Variants in ARID2 observed in about 807,000 individuals in gnomAD.
ARID2 encodes the protein AT-rich interaction domain 2.
Under a neutral mutation model 184.6 loss-of-function variants are expected in ARID2, and 32 were observed. The ratio of observed to expected loss-of-function variants is 0.17; its 90% CI spans 0.13 to 0.23. The LOEUF (loss-of-function observed/expected upper bound fraction) is 0.23. Among genes scored for constraint, ARID2 ranks in the 10% least tolerant of loss-of-function variants. The pLI, the probability that ARID2 is intolerant of heterozygous loss-of-function variation, is 1.00. For synonymous variants in ARID2, 836 were observed against 772.6 expected, an observed-to-expected ratio of 1.08 and a Z score of -1.36; for missense variants, 1,696 against 2,197.6, an observed-to-expected ratio of 0.77 and a Z score of 4.56.
chr12:45,811,449 T>C lies in ARID2; in HGVS notation c.316T>C (p.Phe106Leu), dbSNP rs2138082468. The C allele has an allele frequency of 1.2e-6, 2 of 1,613,220 alleles. No homozygotes were observed. The highest frequency in any genetic ancestry group is 8.5e-7 in the Non-Finnish European group (1 of 1,179,438). Reference protein sequence around the residue: ...YLEKYEKVHHFGEDDDEVPPG... With the variant: ...YLEKYEKVHHLGEDDDEVPPG... The stretch of plus-strand genomic sequence containing the variant: ...AGAAAAGTACGAGAAAGTTCATCAT[T>C]TTGGGGAGGATGATGATGAGGTACC... The change falls in exon 4 of 21, where the codon TTT (phenylalanine) becomes CTT (leucine). Residue 106 changes from phenylalanine to leucine, a missense_variant. By Grantham distance (22) the Phe-to-Leu change is conservative. Coordinates refer to ENST00000334344, the MANE Select transcript of ARID2 (RefSeq NM_152641.4).
At chr12:45,869,357 G>A (rs1299007299) in intron 16 of ARID2, among the ~76,000 whole-genome samples, 3 of 151,872 alleles carry the variant, frequency 2.0e-5, no homozygotes, top group African/African-American at 7.3e-5. Flanking sequence ...TTTTTTGATA[G>A]TGAGCACTTT....
At chr12:45,787,126 T>C (rs943343575) in intron 3 of ARID2, among the ~76,000 whole-genome samples, 2 of 152,182 alleles carry the variant, frequency 1.3e-5, no homozygotes, top group Admixed American at 1.3e-4. Flanking sequence ...AGAGTTTAAG[T>C]GCTTTCACCA....
chr12:45,837,318 C>T lies in ARID2; in HGVS notation c.1024-3C>T, dbSNP rs1592108891. The T allele has an allele frequency of 6.3e-7, 1 of 1,592,308 alleles. No homozygotes were observed. ...TCAATAATAGTGTTGTTTCTTTTTC[C>T]AGCTTTTACTGGACCCTGTTGATTT... is the stretch of plus-strand genomic sequence containing the variant. On this transcript the variant is annotated splice_polypyrimidine_tract_variant and splice_region_variant and intron_variant, in intron 8 of 20. Coordinates refer to ENST00000334344, the MANE Select transcript of ARID2 (RefSeq NM_152641.4).
At chr12:45,857,987 T>G (rs905074338) in intron 15 of ARID2, among the ~76,000 whole-genome samples, 3 of 152,230 alleles carry the variant, frequency 2.0e-5, no homozygotes, top group African/African-American at 7.2e-5. Context: ...CTCAAACTCC[T>G]GGGCTCAAGT....
chr12:45,894,100 C>T (rs1181670208), intron 20 of ARID2, among the ~76,000 whole-genome samples: 1 of 152,046 alleles, frequency 6.6e-6, no homozygotes, highest in Non-Finnish European at 1.5e-5. Flanking sequence ...TTTCATGTAC[C>T]CATCAATGGC....
intron 6 of ARID2, among the ~76,000 whole-genome samples, chr12:45,827,059 A>C (rs900423071): frequency 6.6e-6 from 1 of 151,820 alleles, no homozygotes; most frequent in Admixed American, 6.6e-5. Flanking sequence ...CTTATTATCA[A>C]CCTACCTGGG....
Position 45,850,502 on chromosome 12 carries a change from A to G in ARID2, c.2379A>G (p.Gln793=), listed in dbSNP as rs1943526667. ...IPSGTPVTVI[Q]QAVPQSHMFG... The stretch of plus-strand genomic sequence containing the variant: ...CAGGCACTCCTGTTACAGTAATTCA[A>G]CAAGCTGTCCCACAGAGTCATATGT... Residue 793 remains glutamine (Q), a synonymous_variant, in exon 15 of 21, where the codon CAA becomes CAG. Coordinates refer to ENST00000334344, the MANE Select transcript of ARID2 (RefSeq NM_152641.4). 2.5e-6 allele frequency: 4 copies of G among 1,614,088 alleles called. No homozygotes were observed. The South Asian group carries it at 4.4e-5, about 18-fold the overall frequency.
chr12:45,741,773 G>C (rs142044050), intron 3 of ARID2, among the ~76,000 whole-genome samples: 1 of 152,042 alleles, frequency 6.6e-6, no homozygotes, highest in Non-Finnish European at 1.5e-5. Flanking sequence ...GAAAATCCTC[G>C]TTCCATTTAA....
chr12:45,764,881 G>A (rs997982943), intron 3 of ARID2, among the ~76,000 whole-genome samples: 3 of 152,278 alleles, frequency 2.0e-5, no homozygotes, highest in Non-Finnish European at 1.5e-5. Context: ...AAATTGCTGG[G>A]TTATACCTTA....
At chr12:45,804,728 A>C (rs12312832) in intron 3 of ARID2, among the ~76,000 whole-genome samples, 3,237 of 152,154 alleles carry the variant, frequency 0.021, 121 homozygotes, top group African/African-American at 0.074. Flanking sequence ...ACACACAAAA[A>C]AGCTTAATAC....
chr12:45,799,453 AT>A (rs1004411572), intron 3 of ARID2, among the ~76,000 whole-genome samples: 1 of 151,952 alleles, frequency 6.6e-6, no homozygotes, highest in Non-Finnish European at 1.5e-5. Context: ...AGTGGTGCAC[AT>A]TTTTTTTGTT....
intron 3 of ARID2, among the ~76,000 whole-genome samples, chr12:45,753,941 C>T (rs1325932278): frequency 6.6e-6 from 1 of 152,110 alleles, no homozygotes; most frequent in East Asian, 1.9e-4. Context: ...GTGACTTTTG[C>T]CATTTTCAAC....
At position 45,846,844 on chromosome 12, in the gene ARID2, T is replaced by C. The variant is rs1208831222; in HGVS notation, c.1499-12T>C. The C allele has an allele frequency of 1.2e-6, 2 of 1,611,848 alleles. No homozygotes were observed. On this transcript the variant is annotated splice_polypyrimidine_tract_variant and intron_variant, in intron 11 of 20. Coordinates refer to ENST00000334344, the MANE Select transcript of ARID2 (RefSeq NM_152641.4). ...TTAAGAAATGATGTAGCTAATGTAT[T>C]TTTTTCTTTAGCTTCCAGAGCAGTT...
intron 3 of ARID2, among the ~76,000 whole-genome samples, chr12:45,788,307 C>T (rs1228666939): frequency 2.0e-5 from 3 of 151,992 alleles, no homozygotes; most frequent in East Asian, 3.9e-4. Context: ...TACAACAAAC[C>T]GATTAGGTAG....
chr12:45,757,949 C>T (rs1941599493), intron 3 of ARID2, among the ~76,000 whole-genome samples: 2 of 152,188 alleles, frequency 1.3e-5, no homozygotes, highest in South Asian at 4.1e-4. Context: ...ATTTGCTGTC[C>T]AATATTTTCT....
chr12:45,810,633 A>G (rs1049101120), intron 3 of ARID2, among the ~76,000 whole-genome samples: 3 of 152,204 alleles, frequency 2.0e-5, no homozygotes, highest in African/African-American at 7.2e-5. Context: ...GTATTGGTAT[A>G]TTTAGACCTC....
chr12:45,741,527 C>T (rs1415419868), intron 3 of ARID2, among the ~76,000 whole-genome samples: 2 of 152,176 alleles, frequency 1.3e-5, no homozygotes, highest in Non-Finnish European at 2.9e-5. Context: ...ACATATGGGA[C>T]ATATTTTCAT....
chr12:45,753,032 G>A (rs1037868816), intron 3 of ARID2, among the ~76,000 whole-genome samples: 1 of 151,946 alleles, frequency 6.6e-6, no homozygotes. Flanking sequence ...AGGCTGAGGC[G>A]GGCGGATCAC....
chr12:45,884,839 C>T (rs1944162167), intron 16 of ARID2, among the ~76,000 whole-genome samples: 3 of 152,082 alleles, frequency 2.0e-5, no homozygotes, highest in Non-Finnish European at 1.5e-5. Context: ...TTGCTTCCTC[C>T]CCTATTGCCT....
Sources: gnomAD v4.1 joint callset for allele counts (sites outside exome capture counted in the v4.1 genomes callset) on GRCh38, gnomAD v4.1.1 for gene constraint, MANE v1.5 for transcripts, NCBI Gene and HGNC (gene_info 2026-07-23, HGNC 2026-07-21) for gene names.